MTCH1: variants seen among roughly 807,000 people sequenced by gnomAD.
MTCH1 encodes the protein mitochondrial carrier 1.
In MTCH1, 23 loss-of-function variants were observed where a neutral mutation model predicts 49.3. That is an observed-to-expected ratio of 0.47 (90% CI 0.34 to 0.66). The LOEUF is 0.66. Among genes scored for constraint, MTCH1 ranks in the 30% least tolerant of loss-of-function variants. MTCH1 has a pLI of 0.01. For missense variants in MTCH1, 397 were observed against 532.1 expected (o/e 0.75, Z 2.50); for synonymous variants, 229 against 215.2 (o/e 1.06, Z -0.56).
chr6:36,985,019 TC>T (rs1764245967), intron 1 of MTCH1, among the ~76,000 whole-genome samples: 1 of 146,228 alleles, frequency 6.8e-6, no homozygotes, highest in Admixed American at 6.8e-5. Flanking sequence ...TCCTCCTAGC[TC>T]CCCTCTCTAG....
Position 36,970,086 on chromosome 6 carries a change from G to C in MTCH1, c.1051C>G (p.Pro351Ala). 1 of 1,614,168 alleles carries C rather than the reference G, an allele frequency of 6.2e-7. No homozygotes were observed. Among genetic ancestry groups the C allele is most frequent in the Admixed American group, 1.7e-5 (1 of 60,030 alleles). Residue 351 changes from proline to alanine, a missense_variant, in exon 11 of 12, where the codon CCA becomes GCA. Physicochemically the swap from Pro to Ala is conservative, Grantham distance 27. This residue lies in a region of MTCH1 where 252 missense variants were observed against 388.3 expected (regional missense o/e 0.65). Coordinates refer to ENST00000373627, the MANE Select transcript of MTCH1 (RefSeq NM_001271641.2). ...CAGTGAATCCAGGATTTGAACACTGGGGAGTAAGGGGGGAGCCCAGCTTGC... is the reference window on the plus strand; with the variant it reads ...CAGTGAATCCAGGATTTGAACACTGCGGAGTAAGGGGGGAGCCCAGCTTGC... ...GLQAGLPPYS[P>A]VFKSWIHCWK...
rs1764085086 is a variant in MTCH1, at chr6:36,981,481, TGCGTGCCATGCTGCGCAGTGAGTTCCCC to T, written c.406+79_406+106del. 33 of 999,958 alleles carry T rather than the reference TGCGTGCCATGCTGCGCAGTGAGTTCCCC, an allele frequency of 3.3e-5. 1 individual carries two copies. The highest frequency in any genetic ancestry group is 3.9e-5 in the Non-Finnish European group (26 of 672,752). The allele number at this position is 999,958 out of a possible 1,614,324, so 61.9% of individuals were successfully genotyped here. ...ATCCCCTCCTCCATGCCAGCTCGAC[TGCGTGCCATGCTGCGCAGTGAGTTCCCC>T]GGGGCCAGCTGGTCCTGCTCCCCAC... On this transcript the variant is annotated intron_variant, in intron 2 of 11. Transcript: ENST00000373627.
intron 8 of MTCH1, 37 bp from the exon 9 acceptor site, chr6:36,970,731 C>A: frequency 6.2e-7 from 1 of 1,607,306 alleles, no homozygotes; most frequent in South Asian, 1.1e-5. Context: ...TTGCCACAGG[C>A]ACCTCAGGAT....
chr6:36,985,820 TC>T, intron 1 of MTCH1, 32 bp downstream of exon 1: 2 of 1,467,312 alleles, frequency 1.4e-6, no homozygotes, highest in Non-Finnish European at 9.1e-7. Flanking sequence ...CACATCAGCC[TC>T]CCATCTCCCT....
chr6:36,969,006 A>C lies in MTCH1; in HGVS notation c.1099-32T>G, dbSNP rs771072313. On this transcript the variant is annotated intron_variant, in intron 11 of 11. Coordinates refer to ENST00000373627, the MANE Select transcript of MTCH1 (RefSeq NM_001271641.2). ...CAGAAGGAAAAGTAAGGTGAGTGAA[A>C]GGGAGGCCACGCTTCCTTGTCCCTC... The C allele has an allele frequency of 1.9e-6, 3 of 1,611,642 alleles. No homozygotes were observed. The Admixed American group carries it at 5.0e-5, about 27-fold the overall frequency.
chr6:36,971,513 C>A (rs1222785072), intron 8 of MTCH1, among the ~76,000 whole-genome samples: 8 of 151,880 alleles, frequency 5.3e-5, no homozygotes, highest in Non-Finnish European at 8.8e-5. Flanking sequence ...CGAGAAGGGG[C>A]AGAACTGCAG....
At position 36,972,884 on chromosome 6, in the gene MTCH1, C is replaced by G. The variant is rs1763731966; in HGVS notation, c.762-88G>C. The G allele has an allele frequency of 1.5e-6, 2 of 1,358,530 alleles. No homozygotes were observed. Among genetic ancestry groups the G allele is most frequent in the African/African-American group, 1.5e-5 (1 of 68,568 alleles). The allele number at this position is 1,358,530 out of a possible 1,614,324, so 84.2% of individuals were successfully genotyped here. On this transcript the variant is annotated intron_variant, in intron 7 of 11. Transcript: ENST00000373627. The surrounding 1 kb of genome is among the most constrained non-coding windows in gnomAD (Gnocchi z 4.1). ...CACCCAGGAAGCAGGCAGGGATGTTCCGAGCTCAAAATCTTAGCATATCCA... is the reference window on the plus strand; with the variant it reads ...CACCCAGGAAGCAGGCAGGGATGTTGCGAGCTCAAAATCTTAGCATATCCA...
chr6:36,977,188 G>A lies in MTCH1; in HGVS notation c.701+11C>T. 6.2e-7 allele frequency: 1 copy of A among 1,613,786 alleles called. No individual in the cohort carries two copies. The highest frequency in any genetic ancestry group is 8.5e-7 in the Non-Finnish European group (1 of 1,179,848). On this transcript the variant is annotated intron_variant, in intron 6 of 11. Coordinates refer to ENST00000373627, the MANE Select transcript of MTCH1 (RefSeq NM_001271641.2). The surrounding 1 kb of genome is among the most constrained non-coding windows in gnomAD (Gnocchi z 5.4). ...AACAGGGCCACTCTGCCAGTCCCAA[G>A]AGTTACCCACCTGTACTTGGCCTCC...
In MTCH1 at chr6:36,978,129, CT is replaced by C; in HGVS notation, c.539del (p.Gln180ArgfsTer8). ...KKVFPPDEIE[Q>X]VSNKDDMKTS... is the part of the protein sequence containing the mutation. ...TCTTCATATCATCCTTGTTGGAAACCTGCTCAATCTCATCTGGAGGGAAAAC... is the reference window on the plus strand; with the variant it reads ...TCTTCATATCATCCTTGTTGGAAACCGCTCAATCTCATCTGGAGGGAAAAC... On this transcript the variant is annotated frameshift_variant, in exon 4 of 12. Transcript: ENST00000373627. LOFTEE classifies it high-confidence loss of function. 1 of 1,613,766 alleles carries C rather than the reference CT, an allele frequency of 6.2e-7. No homozygotes were observed. The highest frequency in any genetic ancestry group is 1.1e-5 in the South Asian group (1 of 91,076).
At chr6:36,981,258 G>C (rs1015398669) in intron 2 of MTCH1, among the ~76,000 whole-genome samples, 7 of 152,066 alleles carry the variant, frequency 4.6e-5, no homozygotes, top group Non-Finnish European at 7.4e-5. Context: ...TCACCCCCAC[G>C]CATGTTCCAG....
rs370188691 is a variant in MTCH1 at position 36,970,060 on chromosome 6, G to A, written c.1077C>T (p.Cys359=). 6.2e-7 allele frequency: 1 copy of A among 1,614,078 alleles called. No homozygotes were observed. The highest frequency in any genetic ancestry group is 1.3e-5 in the African/African-American group (1 of 74,932). ...TCACCTGCACACTCAGGTACTTCCA[G>A]CAGTGAATCCAGGATTTGAACACTG... ...YSPVFKSWIH[C]WKYLSVQGQL... Residue 359 remains cysteine (C), a synonymous_variant, in exon 11 of 12, where the codon TGC becomes TGT. Transcript: ENST00000373627.
Position 36,977,592 on chromosome 6 carries a change from C to T in MTCH1, c.649+42G>A, listed in dbSNP as rs372766696. Reference sequence around the variant, plus strand: ...GGCGCCCCTCACCCCACGCCCCCGACGCCAGCTTAGATACAGTCTCGGGGG... The same window carrying T: ...GGCGCCCCTCACCCCACGCCCCCGATGCCAGCTTAGATACAGTCTCGGGGG... On this transcript the variant is annotated intron_variant, in intron 5 of 11. Coordinates refer to ENST00000373627, the MANE Select transcript of MTCH1 (RefSeq NM_001271641.2). The surrounding 1 kb of genome is among the most constrained non-coding windows in gnomAD (Gnocchi z 5.4). 2.9e-5 allele frequency: 43 copies of T among 1,465,994 alleles called. 1 individual carries two copies. Among genetic ancestry groups the T allele is most frequent in the East Asian group, 1.2e-4 (5 of 42,526 alleles). 90.8% of individuals were successfully genotyped at this position (1,465,994 alleles called of 1,614,324 possible).
chr6:36,977,122 C>T lies in MTCH1; in HGVS notation c.701+77G>A, dbSNP rs1388175812. Reference sequence around the variant, plus strand: ...CACTAGGGCAGAAAAGGTGCAGCAACCAATCCCAGCACGGCCTGCCCTGGC... The same window carrying T: ...CACTAGGGCAGAAAAGGTGCAGCAATCAATCCCAGCACGGCCTGCCCTGGC... On this transcript the variant is annotated intron_variant, in intron 6 of 11. Transcript: ENST00000373627. The surrounding 1 kb of genome is among the most constrained non-coding windows in gnomAD (Gnocchi z 5.4). 3 of 1,496,060 alleles carry T rather than the reference C, an allele frequency of 2.0e-6. No individual in the cohort carries two copies. The highest frequency in any genetic ancestry group is 2.8e-6 in the Non-Finnish European group (3 of 1,077,042). 92.7% of individuals were successfully genotyped at this position (1,496,060 alleles called of 1,614,324 possible).
chr6:36,985,707 T>TCCCCCCCCCCCCGC, intron 1 of MTCH1, 146 bp downstream of exon 1: 1 of 330,060 alleles, frequency 3.0e-6, no homozygotes, highest in Non-Finnish European at 6.1e-6. Flanking sequence ...TTCCCTCCCA[T>TCCCCCCCCCCCCGC]CCCACCCACT....
Position 36,968,481 on chromosome 6 carries a change from C to A in MTCH1, c.*422G>T, listed in dbSNP as rs1304887956. 2.8e-6 allele frequency: 1 copy of A among 355,186 alleles called. No individual in the cohort carries two copies. Among genetic ancestry groups the A allele is most frequent in the Admixed American group, 3.8e-5 (1 of 26,174 alleles). 22.0% of individuals were successfully genotyped at this position (355,186 alleles called of 1,614,324 possible). On this transcript the variant is annotated 3_prime_UTR_variant, in exon 12 of 12. Coordinates refer to ENST00000373627, the MANE Select transcript of MTCH1 (RefSeq NM_001271641.2). ...GTGCCAGGGGACCACACCCTATGTA[C>A]AAAGCAGGAGAATGATGCTCCCAGC...
intron 6 of MTCH1, chr6:36,976,712 G>A: frequency 2.5e-6 from 1 of 405,912 alleles, no homozygotes; most frequent in Non-Finnish European, 5.1e-6. Context: ...ATATGCCCCT[G>A]GCACCTACCC....
At chr6:36,986,506 T>A (rs2150756679), upstream of MTCH1, among the ~76,000 whole-genome samples, 1 of 152,244 alleles carries the variant, frequency 6.6e-6, no homozygotes, top group African/African-American at 2.4e-5. Context: ...CAATATGGTC[T>A]GAGGCGCTTC....
rs1763911532 is a variant in MTCH1, at chr6:36,977,226, T to C, written c.674A>G (p.Gln225Arg). 6.2e-6 allele frequency: 10 copies of C among 1,613,832 alleles called. No individual in the cohort carries two copies. Among genetic ancestry groups the C allele is most frequent in the Non-Finnish European group, 8.5e-6 (10 of 1,179,970 alleles). The change falls in exon 6 of 12, where the codon CAG (glutamine) becomes CGG (arginine). Residue 225 changes from glutamine to arginine, a missense_variant. By Grantham distance (43) the Gln-to-Arg change is conservative (BLOSUM62 1). Coordinates refer to ENST00000373627, the MANE Select transcript of MTCH1 (RefSeq NM_001271641.2). This position sits in a 1 kb window ranked among gnomAD's most constrained non-coding sequence, Gnocchi z 5.4. ...GTACTTGGCCTCCCGTCCCACAAAC[T>C]GGACCATGCAGCGCATTGAGATGAC... ...LHVISMRCMV[Q>R]FVGREAKYSG... is the part of the protein sequence containing the mutation.
Position 36,970,682 on chromosome 6 carries a change from G to T in MTCH1, c.919C>A (p.Leu307Met). The change falls in exon 9 of 12, where the codon CTG becomes ATG. Residue 307 changes from leucine to methionine, a missense_variant. Around this residue, in one of 2 missense-constraint regions of MTCH1, gnomAD observed 252 missense variants for 388.3 expected, o/e 0.65. Transcript: ENST00000373627. ...AACTTGGTATAGCTCCGGATGGCCA[G>T]GGCCTGGCTGAACTGAGGAGACAGA... is the stretch of plus-strand genomic sequence containing the variant. ...QNPGSQFSQA[L>M]AIRSYTKFVM... The T allele has an allele frequency of 6.2e-7, 1 of 1,614,174 alleles. No individual in the cohort carries two copies. Among genetic ancestry groups the T allele is most frequent in the Non-Finnish European group, 8.5e-7 (1 of 1,180,028 alleles).
Sources: gnomAD v4.1 joint callset for allele counts (sites outside exome capture counted in the v4.1 genomes callset) on GRCh38, gnomAD v4.1.1 for gene constraint, gnomAD v4.1.1 regional missense constraint, Gnocchi (gnomAD v3.1) non-coding constraint, MANE v1.5 for transcripts, NCBI Gene and HGNC (gene_info 2026-07-23, HGNC 2026-07-21) for gene names.